FBXO4: variants seen among roughly 807,000 people sequenced by gnomAD.
FBXO4 encodes F-box only protein 4.
Under a neutral mutation model 43.7 loss-of-function variants are expected in FBXO4, and 36 were observed. The ratio of observed to expected loss-of-function variants is 0.82; its 90% confidence interval spans 0.63 to 1.09. The LOEUF (loss-of-function observed/expected upper bound fraction) is 1.09. Ranked by LOEUF, FBXO4 falls within the 50% of genes least tolerant of loss-of-function variation. The probability of loss-of-function intolerance (pLI) is 0.00; values close to 1 mark genes in which losing one functional copy is unlikely to be tolerated. For synonymous variants in FBXO4, 180 were observed against 165.6 expected, an observed-to-expected ratio of 1.09 and a Z score of -0.67; for missense variants, 435 against 474.1, an observed-to-expected ratio of 0.92 and a Z score of 0.77.
intron 2 of FBXO4, among the ~76,000 whole-genome samples, chr5:41,928,059 G>T (rs1000066688): frequency 1.3e-5 from 2 of 152,140 alleles, no homozygotes; most frequent in Admixed American, 1.3e-4. Flanking sequence ...CAAATTTTGA[G>T]TTATTCAGAG....
At chr5:42,001,922 C>G in the FBXO4 span, among the ~76,000 whole-genome samples, 3 of 152,172 alleles carry the variant, frequency 2.0e-5, no homozygotes, top group African/African-American at 7.2e-5. Flanking sequence ...AACTTGACCT[C>G]CTGACCTTGG....
chr5:41,953,021 G>T, the FBXO4 span, among the ~76,000 whole-genome samples: 1 of 151,038 alleles, frequency 6.6e-6, no homozygotes, highest in Non-Finnish European at 1.5e-5. Flanking sequence ...TATACTTTAA[G>T]TTTTAGGGTA....
At chr5:42,032,826 C>A in the FBXO4 span, among the ~76,000 whole-genome samples, 1 of 152,188 alleles carries the variant, frequency 6.6e-6, no homozygotes, top group Non-Finnish European at 1.5e-5. Flanking sequence ...GCCACTACAG[C>A]TGGCACTGTG....
the FBXO4 span, among the ~76,000 whole-genome samples, chr5:41,965,885 A>T: frequency 6.6e-6 from 1 of 152,330 alleles, no homozygotes; most frequent in East Asian, 1.9e-4. Flanking sequence ...AATAGCAAAG[A>T]CTTGGAACCA....
chr5:41,966,573 C>G, the FBXO4 span, among the ~76,000 whole-genome samples: 1 of 152,278 alleles, frequency 6.6e-6, no homozygotes, highest in East Asian at 1.9e-4. Context: ...CTCAAAAAGA[C>G]AACTTAGGAA....
the FBXO4 span, among the ~76,000 whole-genome samples, chr5:41,952,612 T>C: frequency 5.3e-5 from 8 of 152,150 alleles, 1 homozygote; most frequent in Admixed American, 4.6e-4. Context: ...AAATACCCTA[T>C]CTTCCCATGT....
At chr5:41,985,600 CA>C in the FBXO4 span, among the ~76,000 whole-genome samples, 2 of 152,092 alleles carry the variant, frequency 1.3e-5, no homozygotes, top group African/African-American at 4.8e-5. Flanking sequence ...AGAGTCTGTG[CA>C]GGAGAGAGGT....
At chr5:41,958,772 A>G in the FBXO4 span, among the ~76,000 whole-genome samples, 2 of 152,330 alleles carry the variant, frequency 1.3e-5, no homozygotes, top group East Asian at 3.9e-4. Context: ...GTATATACAC[A>G]TAGAATTTTT....
chr5:41,930,097 T>G (rs904430752), intron 3 of FBXO4, 180 bp downstream of exon 3: 2 of 546,830 alleles, frequency 3.7e-6, no homozygotes, highest in African/African-American at 1.9e-5. Context: ...ATAAGAAAGC[T>G]TCCTCTTAAT....
the FBXO4 span, among the ~76,000 whole-genome samples, chr5:42,036,012 A>G: frequency 6.6e-6 from 1 of 152,134 alleles, no homozygotes; most frequent in African/African-American, 2.4e-5. Flanking sequence ...ATGTCAACAC[A>G]GTGAAAAAGG....
Position 41,929,761 on chromosome 5 carries a change from G to A in FBXO4, c.490G>A (p.Val164Ile). Residue 164 changes from valine (V) to isoleucine (I), a missense_variant, in exon 3 of 7, where the codon GTC (valine) becomes ATC (isoleucine). Coordinates refer to ENST00000281623, the MANE Select transcript of FBXO4 (RefSeq NM_012176.3). ...ATCCAGCCGTCCTATGTATGGAGCT[G>A]TCACTTCTTTTTTACACTCCCTGAT... is the stretch of plus-strand genomic sequence containing the variant. ...SKSSRPMYGA[V>I]TSFLHSLIIQ... 1 of 1,614,154 alleles carries A rather than the reference G, an allele frequency of 6.2e-7. No homozygotes were observed. The highest frequency in any genetic ancestry group is 2.2e-5 in the East Asian group (1 of 44,880).
intron 3 of FBXO4, among the ~76,000 whole-genome samples, 164 bp from the exon 4 acceptor site, chr5:41,933,782 A>G (rs1387108270): frequency 2.0e-5 from 3 of 152,290 alleles, no homozygotes; most frequent in African/African-American, 4.8e-5. Flanking sequence ...TGAAAGTTAC[A>G]TACGGTATCT....
the FBXO4 span, among the ~76,000 whole-genome samples, chr5:41,982,211 C>T: frequency 2.1e-4 from 32 of 152,226 alleles, 1 homozygote; most frequent in South Asian, 8.3e-4. Flanking sequence ...AATAAACATA[C>T]GTGTTCATGT....
At chr5:42,015,099 G>T in the FBXO4 span, among the ~76,000 whole-genome samples, 1 of 151,994 alleles carries the variant, frequency 6.6e-6, no homozygotes, top group Non-Finnish European at 1.5e-5. Flanking sequence ...AAGCAGAGGG[G>T]GCATTATTTG....
At chr5:42,027,357 T>C in the FBXO4 span, among the ~76,000 whole-genome samples, 2 of 151,912 alleles carry the variant, frequency 1.3e-5, no homozygotes, top group Non-Finnish European at 2.9e-5. Flanking sequence ...TAGTAGTCTC[T>C]ACTGATCCTT....
At chr5:41,959,776 A>G in the FBXO4 span, among the ~76,000 whole-genome samples, 2 of 152,206 alleles carry the variant, frequency 1.3e-5, no homozygotes, top group Non-Finnish European at 1.5e-5. Flanking sequence ...TCTCTAGTAG[A>G]TTTTGAAATA....
At chr5:42,037,496 C>T in the FBXO4 span, among the ~76,000 whole-genome samples, 14 of 152,048 alleles carry the variant, frequency 9.2e-5, no homozygotes, top group Non-Finnish European at 2.1e-4. Context: ...GCTTGCAGTG[C>T]ATTCAGCATT....
chr5:41,977,453 A>G, the FBXO4 span, among the ~76,000 whole-genome samples: 1 of 152,212 alleles, frequency 6.6e-6, no homozygotes, highest in Non-Finnish European at 1.5e-5. Flanking sequence ...ACTCTTGAAC[A>G]TTTTGCTGCT....
At chr5:42,039,466 C>A in the FBXO4 span, among the ~76,000 whole-genome samples, 1 of 152,118 alleles carries the variant, frequency 6.6e-6, no homozygotes, top group South Asian at 2.1e-4. Flanking sequence ...ACTTCCCAGA[C>A]ATGTTCCTAC....
Sources: allele counts gnomAD v4.1 joint callset (sites outside exome capture counted in the v4.1 genomes callset), GRCh38; gene constraint gnomAD v4.1.1; transcripts MANE v1.5; gene names NCBI Gene and HGNC (gene_info 2026-07-23, HGNC 2026-07-21).